Variants in TMCC3 observed in about 807,000 individuals in gnomAD.
TMCC3 encodes transmembrane and coiled-coil domain protein 3.
In TMCC3, 28 loss-of-function variants were observed where a neutral mutation model predicts 40.2. The ratio of observed to expected loss-of-function variants is 0.70; its 90% CI spans 0.52 to 0.95. The LOEUF (loss-of-function observed/expected upper bound fraction) is 0.95. TMCC3 is among the 40% of genes least tolerant of loss of function. The probability of loss-of-function intolerance (pLI) is 0.00; values close to 1 mark genes in which losing one functional copy is unlikely to be tolerated. For synonymous variants in TMCC3, 255 were observed against 248.5 expected (o/e 1.03, Z -0.25); for missense variants, 554 against 615.2 (o/e 0.90, Z 1.05).
At chr12:94,646,489 A>G (rs1293180831) in intron 1 of TMCC3, among the ~76,000 whole-genome samples, 1 of 120,170 alleles carries the variant, frequency 8.3e-6, no homozygotes, top group African/African-American at 3.4e-5. Flanking sequence ...CCCAGGCTGG[A>G]GTGCAATGGC....
intron 1 of TMCC3, among the ~76,000 whole-genome samples, chr12:94,619,352 A>G (rs1213194888): frequency 1.3e-5 from 2 of 152,190 alleles, no homozygotes; most frequent in African/African-American, 2.4e-5. Flanking sequence ...AGGACCTGCA[A>G]CCTATGACCC....
At chr12:94,611,647 T>C (rs1000440579) in intron 1 of TMCC3, among the ~76,000 whole-genome samples, 3 of 152,190 alleles carry the variant, frequency 2.0e-5, no homozygotes, top group African/African-American at 7.2e-5. Flanking sequence ...TATAAAATGG[T>C]GTAGTATTTG....
chr12:94,648,736 T>C (rs1053848172), intron 1 of TMCC3, among the ~76,000 whole-genome samples: 4 of 152,320 alleles, frequency 2.6e-5, no homozygotes, highest in South Asian at 4.1e-4. Flanking sequence ...TTTTGTAAAG[T>C]TGCATGAGTT....
intron 1 of TMCC3, among the ~76,000 whole-genome samples, chr12:94,605,701 TC>T (rs1402013496): frequency 3.3e-5 from 5 of 152,222 alleles, no homozygotes; most frequent in Non-Finnish European, 5.9e-5. Flanking sequence ...CTTGGTACTT[TC>T]CATCGGGGGC....
chr12:94,629,709 A>G lies in TMCC3; in HGVS notation c.78+20644T>C, dbSNP rs116312714. The stretch of plus-strand genomic sequence containing the variant: ...ACACCTACAGCACAGTGTTGCCATG[A>G]GCTCCCATCCCTGGGTCAAAAGTCT... On this transcript the variant is annotated intron_variant, in intron 1 of 3. Coordinates refer to ENST00000261226, the MANE Select transcript of TMCC3 (RefSeq NM_020698.4). 1.0e-2 allele frequency among the ~76,000 whole-genome samples: 1,516 copies of G among 152,302 alleles called. 29 individuals carry two copies. Among genetic ancestry groups the G allele is most frequent in the African/African-American group, 0.034 (1,392 of 41,546 alleles).
chr12:94,644,338 A>T, intron 1 of TMCC3: 1 of 976,170 alleles, frequency 1.0e-6, no homozygotes, highest in Non-Finnish European at 1.2e-6. Flanking sequence ...AAAGCTGCAG[A>T]CTCTTCTAAG....
intron 1 of TMCC3, among the ~76,000 whole-genome samples, chr12:94,628,084 G>A (rs911814442): frequency 3.3e-5 from 5 of 152,204 alleles, no homozygotes; most frequent in African/African-American, 1.2e-4. Context: ...TGGAAGGTTG[G>A]GCAATGAAGA....
chr12:94,596,796 T>G lies in TMCC3; in HGVS notation c.79-14258A>C, dbSNP rs568255552. 2.0e-5 allele frequency among the ~76,000 whole-genome samples: 3 copies of G among 152,174 alleles called. No individual in the cohort carries two copies. The South Asian group carries it at 6.2e-4, about 32-fold the overall frequency. Reference sequence around the variant, plus strand: ...TTTAGGGACAAGTGGCTGCCCTAGTTGTTTACATTTGCTCAGCTGTTTGCA... The same window carrying G: ...TTTAGGGACAAGTGGCTGCCCTAGTGGTTTACATTTGCTCAGCTGTTTGCA... On this transcript the variant is annotated intron_variant, in intron 1 of 3. Transcript: ENST00000261226.
rs767532685 is a variant in TMCC3, at chr12:94,571,720, G to A, written c.1149C>T (p.Cys383=). The part of the protein sequence containing the change: ...SRDIQEALES[C]QTRISKLELH... ...GCTCCAGCTTAGAAATGCGAGTCTG[G>A]CAGGATTCCAAGGCTTCCTGTGAGC... The change falls in exon 4 of 4, where the codon TGC becomes TGT. Residue 383 remains cysteine, a synonymous_variant. Coordinates refer to ENST00000261226, the MANE Select transcript of TMCC3 (RefSeq NM_020698.4). The A allele has an allele frequency of 2.5e-6, 4 of 1,613,972 alleles. No homozygotes were observed. The South Asian group carries it at 3.3e-5, about 13-fold the overall frequency.
At chr12:94,633,081 G>A (rs2068941978) in intron 1 of TMCC3, among the ~76,000 whole-genome samples, 1 of 152,070 alleles carries the variant, frequency 6.6e-6, no homozygotes, top group Non-Finnish European at 1.5e-5. Flanking sequence ...ACTGCAGCCT[G>A]GGTGACAGAG....
intron 1 of TMCC3, among the ~76,000 whole-genome samples, chr12:94,617,763 A>C (rs2068855543): frequency 6.6e-6 from 1 of 152,076 alleles, no homozygotes; most frequent in Non-Finnish European, 1.5e-5. Flanking sequence ...TGTTGATTTA[A>C]CTCTGTGTTG....
chr12:94,637,959 A>T (rs67411117), intron 1 of TMCC3, among the ~76,000 whole-genome samples: 21,430 of 152,094 alleles, frequency 0.14, 1,570 homozygotes, highest in Middle Eastern at 0.15. Flanking sequence ...AACTATCTCC[A>T]TGAGAGAGGA....
intron 1 of TMCC3, among the ~76,000 whole-genome samples, chr12:94,633,069 G>A (rs1441161133): frequency 6.6e-6 from 1 of 152,126 alleles, no homozygotes; most frequent in Admixed American, 6.6e-5. Flanking sequence ...TTGCACCATT[G>A]CACTGCAGCC....
chr12:94,572,306 CTTT>C (rs527894810), intron 3 of TMCC3, among the ~76,000 whole-genome samples: 17,123 of 49,460 alleles, frequency 0.35, 1,033 homozygotes, highest in Middle Eastern at 0.4. Context: ...CCGACTTCAT[CTTT>C]TTTTTTTTTT....
chr12:94,574,039 C>T (rs1038729062), intron 3 of TMCC3, among the ~76,000 whole-genome samples: 8 of 152,204 alleles, frequency 5.3e-5, no homozygotes, highest in African/African-American at 1.2e-4. Context: ...GCATGCAGCA[C>T]GTGCCACACA....
At chr12:94,602,753 G>A (rs112807431) in intron 1 of TMCC3, among the ~76,000 whole-genome samples, 97 of 152,234 alleles carry the variant, frequency 6.4e-4, no homozygotes, top group African/African-American at 2.2e-3. Context: ...ATGCCCAGGT[G>A]GATTTCTAAA....
chr12:94,597,124 C>CATATATATATATATATATAT (rs869220054), intron 1 of TMCC3, among the ~76,000 whole-genome samples: 46 of 29,758 alleles, frequency 1.5e-3, no homozygotes, highest in Non-Finnish European at 2.5e-3. Flanking sequence ...TATTAAAATA[C>CATATATATATATATATATAT]ATATATATAT....
At chr12:94,635,273 G>C (rs911757444) in intron 1 of TMCC3, among the ~76,000 whole-genome samples, 5 of 152,334 alleles carry the variant, frequency 3.3e-5, no homozygotes, top group African/African-American at 1.2e-4. Flanking sequence ...GGAATGTGCA[G>C]GCTTGAAAGC....
At chr12:94,649,921 G>A (rs1211263938) in intron 1 of TMCC3, among the ~76,000 whole-genome samples, 1 of 152,040 alleles carries the variant, frequency 6.6e-6, no homozygotes, top group East Asian at 2.0e-4. Context: ...CCGAGGACAG[G>A]GAGACAGGGC....
Sources: gnomAD v4.1 joint callset for allele counts (sites outside exome capture counted in the v4.1 genomes callset) on GRCh38, gnomAD v4.1.1 for gene constraint, MANE v1.5 for transcripts, NCBI Gene and HGNC (gene_info 2026-07-23, HGNC 2026-07-21) for gene names.